Variants in GPR39 observed in about 807,000 individuals in gnomAD.
The protein encoded by GPR39 is zinc sensing receptor.
A neutral mutation model predicts 18.4 loss-of-function variants in GPR39; 23 were observed. The observed-to-expected ratio is 1.25, with a 90% CI of 0.90 to 1.77. The LOEUF (loss-of-function observed/expected upper bound fraction) is 1.77, where lower values mean the gene tolerates loss of function less well. Among genes scored for constraint, GPR39 ranks in the 40% most tolerant of loss-of-function variants. The pLI is 0.00. For missense variants in GPR39, 647 were observed against 602.4 expected (o/e 1.07, Z -0.78); for synonymous variants, 280 against 257.9 (o/e 1.09, Z -0.82).
At chr2:132,595,249 G>A (rs1680917200) in intron 1 of GPR39, among the ~76,000 whole-genome samples, 2 of 152,076 alleles carry the variant, frequency 1.3e-5, no homozygotes, top group South Asian at 4.1e-4. Context: ...CTGCCCACCT[G>A]CCTCGGCCTC....
rs113993800 is a variant in GPR39, at chr2:132,480,477, T to C, written c.856+62579T>C. 2.6e-3 allele frequency among the ~76,000 whole-genome samples: 400 copies of C among 152,210 alleles called. 3 individuals are homozygous for C. Among genetic ancestry groups the C allele is most frequent in the African/African-American group, 9.2e-3 (382 of 41,524 alleles). ...ATACAGCGGCATGGTATGAATTGTA[T>C]TGGGGTTGAAAGAGAGAGAAAGTGG... On this transcript the variant is annotated intron_variant, in intron 1 of 1. Coordinates refer to ENST00000329321, the MANE Select transcript of GPR39 (RefSeq NM_001508.3).
At chr2:132,517,208 A>G (rs1259493806) in intron 1 of GPR39, among the ~76,000 whole-genome samples, 2 of 152,086 alleles carry the variant, frequency 1.3e-5, no homozygotes, top group African/African-American at 2.4e-5. Context: ...GAGAGGAAAA[A>G]TAAGAATATT....
intron 1 of GPR39, among the ~76,000 whole-genome samples, chr2:132,595,144 G>C (rs1028723483): frequency 1.3e-5 from 2 of 152,088 alleles, no homozygotes; most frequent in Non-Finnish European, 2.9e-5. Flanking sequence ...ACTTACCGGC[G>C]TACGCTACCA....
chr2:132,467,813 A>G (rs1003910189), intron 1 of GPR39, among the ~76,000 whole-genome samples: 1 of 152,196 alleles, frequency 6.6e-6, no homozygotes, highest in Admixed American at 6.5e-5. Context: ...TGAAACTGGG[A>G]TACAAGGGTC....
intron 1 of GPR39, among the ~76,000 whole-genome samples, chr2:132,502,406 A>G (rs888261519): frequency 1.3e-5 from 2 of 152,148 alleles, no homozygotes; most frequent in African/African-American, 4.8e-5. Flanking sequence ...TAGGACCCCA[A>G]TCGCTTCTAG....
intron 1 of GPR39, 49 bp from the exon 2 acceptor site, chr2:132,645,052 G>A (rs1681977825): frequency 1.3e-6 from 2 of 1,565,718 alleles, no homozygotes; most frequent in South Asian, 1.2e-5. Context: ...GTGTTCTCAT[G>A]CTGTGTTTTT....
chr2:132,633,692 A>G (rs1287236282), intron 1 of GPR39, among the ~76,000 whole-genome samples: 3 of 152,044 alleles, frequency 2.0e-5, no homozygotes, highest in South Asian at 2.1e-4. Flanking sequence ...TGAGATAATG[A>G]CGACAAAGGA....
chr2:132,593,085 T>C (rs1015729208), intron 1 of GPR39, among the ~76,000 whole-genome samples: 2 of 152,194 alleles, frequency 1.3e-5, no homozygotes, highest in Non-Finnish European at 2.9e-5. Context: ...ATTAGAAGAA[T>C]TGCATGGGGT....
intron 1 of GPR39, among the ~76,000 whole-genome samples, chr2:132,531,693 A>G (rs1297800212): frequency 2.0e-5 from 3 of 152,204 alleles, no homozygotes; most frequent in African/African-American, 7.2e-5. Context: ...GGATTAAGAA[A>G]CTCACTCAAA....
At chr2:132,434,722 G>A (rs555581026) in intron 1 of GPR39, among the ~76,000 whole-genome samples, 1 of 152,282 alleles carries the variant, frequency 6.6e-6, no homozygotes, top group South Asian at 2.1e-4. Flanking sequence ...AAGCCACCAA[G>A]CCCAAAACAA....
At chr2:132,518,987 A>G (rs1172539458) in intron 1 of GPR39, among the ~76,000 whole-genome samples, 1 of 152,236 alleles carries the variant, frequency 6.6e-6, no homozygotes, top group Non-Finnish European at 1.5e-5. Context: ...TTCATTCATA[A>G]CAAAGCTGCA....
chr2:132,539,881 T>C (rs1468583299), intron 1 of GPR39, among the ~76,000 whole-genome samples: 16 of 152,128 alleles, frequency 1.1e-4, no homozygotes, highest in Admixed American at 9.2e-4. Context: ...AAAATACGGT[T>C]CACATAGGAG....
chr2:132,429,343 A>T (rs952199630), intron 1 of GPR39, among the ~76,000 whole-genome samples: 2 of 152,224 alleles, frequency 1.3e-5, no homozygotes, highest in Non-Finnish European at 2.9e-5. Flanking sequence ...AGTGTCAGGG[A>T]GGCAAGAAAT....
intron 1 of GPR39, among the ~76,000 whole-genome samples, chr2:132,634,053 G>A (rs559747503): frequency 4.0e-5 from 6 of 151,842 alleles, no homozygotes; most frequent in Non-Finnish European, 8.8e-5. Flanking sequence ...GATGATGATG[G>A]TGGGGGTGGC....
intron 1 of GPR39, among the ~76,000 whole-genome samples, chr2:132,471,389 G>A (rs1425150130): frequency 1.3e-5 from 2 of 152,182 alleles, no homozygotes; most frequent in African/African-American, 4.8e-5. Context: ...GGTAGATAGA[G>A]CTTCAAGCTC....
At chr2:132,553,313 A>G (rs371802095) in intron 1 of GPR39, among the ~76,000 whole-genome samples, 1,757 of 146,216 alleles carry the variant, frequency 0.012, 23 homozygotes, top group South Asian at 0.033. Flanking sequence ...ATATGTATAT[A>G]TGTGTGTGTG....
chr2:132,599,206 G>T (rs765187855), intron 1 of GPR39, among the ~76,000 whole-genome samples: 2 of 152,146 alleles, frequency 1.3e-5, no homozygotes, highest in African/African-American at 4.8e-5. Context: ...ACTTTCCAGC[G>T]GGAGGTTATG....
chr2:132,436,176 G>A (rs769380163), intron 1 of GPR39, among the ~76,000 whole-genome samples: 2 of 152,136 alleles, frequency 1.3e-5, no homozygotes, highest in African/African-American at 4.8e-5. Context: ...TCCAGGCCCT[G>A]GCAGCCCATT....
chr2:132,612,453 A>G (rs1380626645), intron 1 of GPR39, among the ~76,000 whole-genome samples: 1 of 152,204 alleles, frequency 6.6e-6, no homozygotes, highest in East Asian at 1.9e-4. Flanking sequence ...ACCACGTTCT[A>G]TGCTTTTTTT....
Sources: gnomAD v4.1 joint callset for allele counts (sites outside exome capture counted in the v4.1 genomes callset) on GRCh38, gnomAD v4.1.1 for gene constraint, MANE v1.5 for transcripts, NCBI Gene and HGNC (gene_info 2026-07-23, HGNC 2026-07-21) for gene names.